PTPN20: variants seen among roughly 807,000 people sequenced by gnomAD.
The protein encoded by PTPN20 is protein tyrosine phosphatase non-receptor type 20.
Under a neutral mutation model 35.0 loss-of-function variants are expected in PTPN20, and 9 were observed. The observed-to-expected ratio is 0.26, with a 90% CI of 0.15 to 0.45. The LOEUF is 0.45. Among genes scored for constraint, PTPN20 ranks in the 20% least tolerant of loss-of-function variants. PTPN20 has a pLI of 1.00. For synonymous variants in PTPN20, 32 were observed against 100.2 expected, an observed-to-expected ratio of 0.32 and a Z score of 4.06; for missense variants, 111 against 312.5, an observed-to-expected ratio of 0.36 and a Z score of 4.86.
At chr10:47,003,449 G>A (rs1432993477), downstream of PTPN20, among the ~76,000 whole-genome samples, 4 of 151,994 alleles carry the variant, frequency 2.6e-5, no homozygotes, top group African/African-American at 9.7e-5. Flanking sequence ...TTCATACGTT[G>A]TTCACATAGA....
intron 9 of PTPN20, among the ~76,000 whole-genome samples, chr10:46,997,185 A>G (rs1590027907): frequency 6.6e-6 from 1 of 152,106 alleles, no homozygotes; most frequent in African/African-American, 2.4e-5. Context: ...GATCTTGTAT[A>G]TGTTTTGTTA....
chr10:46,960,669 T>C (rs2049741613), intron 5 of PTPN20, among the ~76,000 whole-genome samples: 1 of 152,144 alleles, frequency 6.6e-6, no homozygotes, highest in Non-Finnish European at 1.5e-5. Flanking sequence ...GCTTTGTCTC[T>C]TGGCAACTTT....
chr10:46,949,487 G>A (rs2046028957), intron 5 of PTPN20, among the ~76,000 whole-genome samples: 1 of 152,108 alleles, frequency 6.6e-6, no homozygotes, highest in East Asian at 1.9e-4. Flanking sequence ...TCTTTCCTTA[G>A]ATTGCAGACT....
intron 5 of PTPN20, among the ~76,000 whole-genome samples, chr10:46,959,457 C>CT: frequency 6.9e-6 from 1 of 145,508 alleles, no homozygotes; most frequent in Admixed American, 6.8e-5. Flanking sequence ...TTCTGCCAAT[C>CT]TTTCTTTCAA....
intron 4 of PTPN20, among the ~76,000 whole-genome samples, chr10:46,945,665 A>G (rs2044522741): frequency 6.6e-6 from 1 of 152,142 alleles, no homozygotes; most frequent in Admixed American, 6.6e-5. Context: ...GCAGAAGTCA[A>G]ATTAGGAGGA....
chr10:46,984,424 G>T lies in PTPN20; in HGVS notation c.778G>T (p.Gly260Cys). Reference protein sequence around the residue: ...VIAMITREIEGGIIKCYHYWP... With the variant: ...VIAMITREIECGIIKCYHYWP... ...TGCCATGATAACCAGAGAGATAGAAGGTGGAATTATCAAATGCTACCATTA... is the reference window on the plus strand; with the variant it reads ...TGCCATGATAACCAGAGAGATAGAATGTGGAATTATCAAATGCTACCATTA... Residue 260 changes from glycine to cysteine, a missense_variant, in exon 8 of 11, where the codon GGT becomes TGT. This residue lies in a region of PTPN20 where 15 missense variants were observed against 24.9 expected (regional missense o/e 0.60). Coordinates refer to ENST00000374339, the MANE Select transcript of PTPN20 (RefSeq NM_001042357.5). 1.2e-6 allele frequency: 2 copies of T among 1,611,738 alleles called. No individual in the cohort carries two copies. The highest frequency in any genetic ancestry group is 1.3e-5 in the African/African-American group (1 of 74,906).
chr10:46,940,945 C>A (rs2043284803), intron 3 of PTPN20, among the ~76,000 whole-genome samples: 1 of 151,804 alleles, frequency 6.6e-6, no homozygotes, highest in Admixed American at 6.5e-5. Flanking sequence ...TTTACAGGCA[C>A]TAGTTTTGTG....
chr10:46,966,554 CAGCATTATATAACT>C, intron 6 of PTPN20, among the ~76,000 whole-genome samples: 1 of 131,372 alleles, frequency 7.6e-6, no homozygotes, highest in African/African-American at 2.9e-5. Flanking sequence ...GATAGGGACT[CAGCATTATATAACT>C]ATCCAGTTGT....
chr10:46,932,296 A>G, intron 1 of PTPN20, 81 bp from the exon 2 acceptor site: 1 of 1,493,344 alleles, frequency 6.7e-7, no homozygotes, highest in Non-Finnish European at 8.9e-7. Context: ...AATATTTTGA[A>G]TTGATGAGTA....
chr10:46,997,466 C>T (rs1240533435), intron 9 of PTPN20, among the ~76,000 whole-genome samples: 1 of 151,228 alleles, frequency 6.6e-6, no homozygotes, highest in Non-Finnish European at 1.5e-5. Context: ...AATCTGTATA[C>T]ATCCTACTTA....
intron 7 of PTPN20, chr10:46,981,218 G>A (rs1253312719): frequency 7.0e-6 from 1 of 142,434 alleles, no homozygotes; most frequent in Non-Finnish European, 1.5e-5. Flanking sequence ...TCTCAGCAGG[G>A]GCAGACTTTA....
chr10:46,948,569 A>C (rs2045709527), intron 5 of PTPN20, among the ~76,000 whole-genome samples: 1 of 147,436 alleles, frequency 6.8e-6, no homozygotes, highest in African/African-American at 2.5e-5. Flanking sequence ...ATGGTGAACC[A>C]TTGGCTTAGA....
At chr10:47,003,104 G>C (rs2060132883), downstream of PTPN20, among the ~76,000 whole-genome samples, 1 of 151,984 alleles carries the variant, frequency 6.6e-6, no homozygotes, top group South Asian at 2.1e-4. Flanking sequence ...GTATTCAATG[G>C]GGGTGATGGA....
chr10:46,945,286 ACTAT>A (rs2044388281), intron 4 of PTPN20, among the ~76,000 whole-genome samples: 1 of 152,028 alleles, frequency 6.6e-6, no homozygotes, highest in South Asian at 2.1e-4. Flanking sequence ...TATTCATGCA[ACTAT>A]CTATTTATCC....
intron 1 of PTPN20, among the ~76,000 whole-genome samples, chr10:46,932,161 T>C (rs1343228837): frequency 1.3e-5 from 2 of 151,532 alleles, no homozygotes; most frequent in Non-Finnish European, 2.9e-5. Flanking sequence ...ATGCAAGGTA[T>C]AGCATATTTA....
chr10:46,930,754 GCTAT>G lies in PTPN20; in HGVS notation c.-123-1620_-123-1617del, dbSNP rs1251691482. Among the ~76,000 whole-genome samples the G allele has an allele frequency of 8.1e-5, 11 of 136,204 alleles. No individual in the cohort carries two copies. In the East Asian group the frequency reaches 1.8e-3, roughly 23 times the overall value. The allele number at this position is 136,204 out of a possible 152,430, so 89.4% of individuals were successfully genotyped here. A position where few individuals can be genotyped will look rare whatever the true frequency, so the allele number is the denominator to read the frequency against. On this transcript the variant is annotated intron_variant, in intron 1 of 10. Transcript: ENST00000374339. ...CTACAGGTGAGTGCCACCACACCTGGCTATCTTTTTCTTTTTTTTAATTTTTGGT... is the reference window on the plus strand; with the variant it reads ...CTACAGGTGAGTGCCACCACACCTGGCTTTTTCTTTTTTTTAATTTTTGGT...
At chr10:46,991,173 CT>C (rs1383032602) in intron 9 of PTPN20, among the ~76,000 whole-genome samples, 3 of 118,888 alleles carry the variant, frequency 2.5e-5, no homozygotes, top group Non-Finnish European at 3.7e-5. Context: ...CCCTTTGTCA[CT>C]GTGTAATGCC....
At chr10:46,997,085 T>A in intron 9 of PTPN20, among the ~76,000 whole-genome samples, 1 of 152,316 alleles carries the variant, frequency 6.6e-6, no homozygotes, top group Admixed American at 6.5e-5. Flanking sequence ...CTTTACTGTA[T>A]TGAATCTTCC....
chr10:47,000,188 A>G (rs1217647236), intron 10 of PTPN20, among the ~76,000 whole-genome samples: 1 of 152,138 alleles, frequency 6.6e-6, no homozygotes, highest in Non-Finnish European at 1.5e-5. Context: ...TCACTCAGAT[A>G]GAAGGGGAGG....
Sources: gnomAD v4.1 joint callset for allele counts (sites outside exome capture counted in the v4.1 genomes callset) on GRCh38, gnomAD v4.1.1 for gene constraint, gnomAD v4.1.1 regional missense constraint, MANE v1.5 for transcripts, NCBI Gene and HGNC (gene_info 2026-07-23, HGNC 2026-07-21) for gene names.